PDE1C: variants seen among roughly 807,000 people sequenced by gnomAD.
The protein encoded by PDE1C is dual specificity calcium/calmodulin-dependent 3',5'-cyclic nucleotide phosphodiesterase 1C.
Under a neutral mutation model 93.1 loss-of-function variants are expected in PDE1C, and 62 were observed. That is an observed-to-expected ratio of 0.67 (90% CI 0.54 to 0.82). The LOEUF is 0.82. Among genes scored for constraint, PDE1C ranks in the 40% least tolerant of loss-of-function variants. The pLI is 0.00. For synonymous variants in PDE1C, 325 were observed against 310.1 expected (o/e 1.05, Z -0.50); for missense variants, 742 against 884.6 (o/e 0.84, Z 2.04).
At chr7:31,840,601 C>T (rs983549564) in intron 9 of PDE1C, among the ~76,000 whole-genome samples, 1 of 152,204 alleles carries the variant, frequency 6.6e-6, no homozygotes, top group African/African-American at 2.4e-5. Context: ...AGGTTTATAA[C>T]CAATTTTGAG....
intron 1 of PDE1C, among the ~76,000 whole-genome samples, chr7:32,237,973 T>C (rs1002920804): frequency 6.6e-6 from 1 of 151,826 alleles, no homozygotes; most frequent in African/African-American, 2.4e-5. Context: ...TTTCTCCATG[T>C]TGGTCAGGCT....
chr7:32,324,032 C>T (rs770136498), intron 1 of PDE1C, among the ~76,000 whole-genome samples: 1 of 152,146 alleles, frequency 6.6e-6, no homozygotes, highest in Non-Finnish European at 1.5e-5. Context: ...CTGCCACCTG[C>T]TTTTGTAGGA....
chr7:32,098,280 T>C (rs911162708), intron 3 of PDE1C, among the ~76,000 whole-genome samples: 1 of 147,882 alleles, frequency 6.8e-6, no homozygotes, highest in African/African-American at 2.5e-5. Flanking sequence ...ACCACAACCC[T>C]GAAGCGGGTA....
At chr7:32,399,819 A>G (rs1445547611) in intron 1 of PDE1C, among the ~76,000 whole-genome samples, 3 of 151,886 alleles carry the variant, frequency 2.0e-5, no homozygotes, top group African/African-American at 7.3e-5. Context: ...CCTAGCCTCA[A>G]GCAATCCTCC....
At chr7:31,666,825 A>G in the PDE1C span, among the ~76,000 whole-genome samples, 1 of 152,114 alleles carries the variant, frequency 6.6e-6, no homozygotes, top group Non-Finnish European at 1.5e-5. Flanking sequence ...TTTGAATACA[A>G]GTTCTTTACC....
At chr7:32,185,098 C>T (rs987248631) in intron 2 of PDE1C, among the ~76,000 whole-genome samples, 2 of 148,294 alleles carry the variant, frequency 1.3e-5, no homozygotes, top group African/African-American at 5.0e-5. Context: ...GCAACAAGAG[C>T]GAAACTCTGT....
chr7:32,342,730 C>A (rs34275180), intron 1 of PDE1C, among the ~76,000 whole-genome samples: 18,895 of 152,152 alleles, frequency 0.12, 1,601 homozygotes, highest in East Asian at 0.37. Context: ...TTGTACCTTA[C>A]TTTCCCCATT....
rs1431397225 is a variant in PDE1C at position 32,298,037 on chromosome 7, TCTCTCTCTCTCTCTCTCTCTCTCTCTCC to T, written c.85+586_85+613del. 6.6e-3 allele frequency among the ~76,000 whole-genome samples: 454 copies of T among 68,594 alleles called. 92 individuals are homozygous for T. Among genetic ancestry groups the T allele is most frequent in the Non-Finnish European group, 7.8e-3 (285 of 36,666 alleles). 45.0% of individuals were successfully genotyped at this position (68,594 alleles called of 152,430 possible). Reference sequence around the variant, plus strand: ...CTCTCCCTCTCTCTCTCTCTCTCTCTCTCTCTCTCTCTCTCTCTCTCTCTCTCCCCTCTCTCTCTGAATTCCCCGGTCT... The same window carrying T: ...CTCTCCCTCTCTCTCTCTCTCTCTCTCCTCTCTCTCTGAATTCCCCGGTCT... On this transcript the variant is annotated intron_variant, in intron 1 of 18. Transcript: ENST00000396193.
intron 2 of PDE1C, among the ~76,000 whole-genome samples, chr7:31,914,534 A>G (rs1801640281): frequency 6.6e-6 from 1 of 152,218 alleles, no homozygotes; most frequent in African/African-American, 2.4e-5. Flanking sequence ...CTTTCCCTTT[A>G]GCTATAGTCA....
chr7:32,344,911 A>G (rs1337538167), intron 1 of PDE1C, among the ~76,000 whole-genome samples: 1 of 152,128 alleles, frequency 6.6e-6, no homozygotes, highest in Non-Finnish European at 1.5e-5. Context: ...AATAATATAA[A>G]ATTTTCCCAA....
At chr7:32,263,706 C>T (rs1028352339) in intron 1 of PDE1C, among the ~76,000 whole-genome samples, 3 of 152,160 alleles carry the variant, frequency 2.0e-5, no homozygotes, top group Admixed American at 2.0e-4. Context: ...TTCCAACAGC[C>T]TATTCTTGTC....
the PDE1C span, chr7:31,651,813 C>T: frequency 1.3e-5 from 8 of 621,434 alleles, no homozygotes; most frequent in African/African-American, 1.3e-4. Context: ...CTCCAGCTGA[C>T]ACAAATAAAG....
Position 31,896,266 on chromosome 7 carries a change from C to G in PDE1C, c.129-15406G>C, listed in dbSNP as rs561087355. 1.4e-4 allele frequency among the ~76,000 whole-genome samples: 22 copies of G among 152,124 alleles called. 1 individual carries two copies. In the South Asian group the frequency reaches 3.5e-3, roughly 24 times the overall value. ...GGGTGAAGGGTGTCTGCCCCAGGAC[C>G]AAAGGGAGGAATATAGGGGTAGAAA... On this transcript the variant is annotated intron_variant, in intron 2 of 17. Coordinates refer to ENST00000396191, the MANE Select transcript of PDE1C (RefSeq NM_001191057.4).
chr7:32,427,558 G>A (rs1287429215), intron 1 of PDE1C, among the ~76,000 whole-genome samples: 1 of 152,148 alleles, frequency 6.6e-6, no homozygotes, highest in Non-Finnish European at 1.5e-5. Context: ...TTCTCCCCAT[G>A]GTGCCGGCCC....
the PDE1C span, among the ~76,000 whole-genome samples, chr7:31,632,612 A>C: frequency 1.3e-5 from 2 of 152,152 alleles, no homozygotes; most frequent in Admixed American, 6.5e-5. Context: ...GTAACCCAAC[A>C]CTGGGAACAC....
At chr7:32,338,110 G>A (rs1398933094) in intron 1 of PDE1C, among the ~76,000 whole-genome samples, 1 of 152,088 alleles carries the variant, frequency 6.6e-6, no homozygotes, top group African/African-American at 2.4e-5. Context: ...AAGAAAAAAT[G>A]GACAAATTGG....
chr7:31,724,800 C>T, the PDE1C span, among the ~76,000 whole-genome samples: 2 of 152,174 alleles, frequency 1.3e-5, no homozygotes, highest in African/African-American at 4.8e-5. Flanking sequence ...GGACTTTACT[C>T]TTTGATAGAC....
intron 2 of PDE1C, among the ~76,000 whole-genome samples, chr7:31,985,729 T>C (rs1259761534): frequency 1.3e-5 from 2 of 151,766 alleles, no homozygotes; most frequent in Admixed American, 6.5e-5. Flanking sequence ...GCTTCATCTA[T>C]GTCCCTGCAA....
intron 1 of PDE1C, among the ~76,000 whole-genome samples, chr7:32,376,429 T>C (rs778247501): frequency 6.6e-6 from 1 of 152,230 alleles, no homozygotes; most frequent in Non-Finnish European, 1.5e-5. Flanking sequence ...GTCTCTGCAC[T>C]GTGCTGGCCC....
Sources: allele counts gnomAD v4.1 joint callset (sites outside exome capture counted in the v4.1 genomes callset), GRCh38; gene constraint gnomAD v4.1.1; transcripts MANE v1.5; gene names NCBI Gene and HGNC (gene_info 2026-07-23, HGNC 2026-07-21).